Variants in TM9SF2 observed in about 807,000 individuals in gnomAD.
The protein encoded by TM9SF2 is transmembrane 9 superfamily member 2.
Under a neutral mutation model 84.9 loss-of-function variants are expected in TM9SF2, and 13 were observed. The observed-to-expected ratio is 0.15, with a 90% CI of 0.10 to 0.24. The LOEUF is 0.24. Among genes scored for constraint, TM9SF2 ranks in the 10% least tolerant of loss-of-function variants. TM9SF2 has a pLI of 1.00. For synonymous variants in TM9SF2, 273 were observed against 285.8 expected (o/e 0.96, Z 0.45); for missense variants, 562 against 818.5 (o/e 0.69, Z 3.82).
In TM9SF2 at chr13:99,522,468, G is replaced by T. The variant is rs141433825; in HGVS notation, c.333+2339G>T. On this transcript the variant is annotated intron_variant, in intron 3 of 16. Coordinates refer to ENST00000376387, the MANE Select transcript of TM9SF2 (RefSeq NM_004800.3). ...AGTGTATGGACATGGGTGCCATTGA[G>T]CAGGGCAGGCATGTAACTTGCGAAA... Among the ~76,000 whole-genome samples, 9 of 152,352 alleles carry T rather than the reference G, an allele frequency of 5.9e-5. No individual in the cohort carries two copies. The East Asian group carries it at 1.7e-3, about 29-fold the overall frequency.
At chr13:99,519,415 C>G (rs2046149417) in intron 2 of TM9SF2, 1 of 152,286 alleles carries the variant, frequency 6.6e-6, no homozygotes. Context: ...CACAGAACTG[C>G]CCTTTAATTT....
intron 1 of TM9SF2, among the ~76,000 whole-genome samples, chr13:99,507,773 T>A (rs2046094757): frequency 6.6e-6 from 1 of 152,236 alleles, no homozygotes; most frequent in Non-Finnish European, 1.5e-5. Context: ...CTCAAACCCT[T>A]TTGTGACTTG....
intron 3 of TM9SF2, among the ~76,000 whole-genome samples, chr13:99,523,536 T>C (rs1018253604): frequency 6.6e-6 from 1 of 152,244 alleles, no homozygotes; most frequent in Non-Finnish European, 1.5e-5. Context: ...TCTTTTATAT[T>C]TGACTTCTGT....
intron 1 of TM9SF2, among the ~76,000 whole-genome samples, chr13:99,513,554 A>G (rs1266011313): frequency 2.0e-5 from 3 of 152,178 alleles, no homozygotes; most frequent in East Asian, 3.8e-4. Flanking sequence ...AATTTTTCAC[A>G]TGGCCTCAGG....
intron 6 of TM9SF2, among the ~76,000 whole-genome samples, chr13:99,538,745 T>G (rs1355967598): frequency 6.6e-6 from 1 of 151,736 alleles, no homozygotes; most frequent in African/African-American, 2.4e-5. Context: ...AGACCCTGTC[T>G]CTACAGAAAA....
chr13:99,529,352 A>G (rs994227805), intron 3 of TM9SF2, 115 bp from the exon 4 acceptor site: 21 of 881,748 alleles, frequency 2.4e-5, no homozygotes, highest in African/African-American at 1.2e-4. Flanking sequence ...TTTATTACCA[A>G]TATTAATGCA....
chr13:99,560,942 C>G (rs1236689284), intron 16 of TM9SF2, among the ~76,000 whole-genome samples: 1 of 152,024 alleles, frequency 6.6e-6, no homozygotes, highest in Non-Finnish European at 1.5e-5. Flanking sequence ...CTTGGCCTCC[C>G]GAAGTGCTCG....
intron 1 of TM9SF2, among the ~76,000 whole-genome samples, chr13:99,503,542 C>T (rs1483056982): frequency 6.6e-6 from 1 of 151,934 alleles, no homozygotes; most frequent in East Asian, 1.9e-4. Flanking sequence ...AACCGCGTCT[C>T]TACTAAAAAT....
intron 16 of TM9SF2, among the ~76,000 whole-genome samples, chr13:99,560,360 G>C (rs4365162): frequency 0.88 from 133,823 of 152,234 alleles, 58,979 homozygotes; most frequent in Admixed American, 0.93. Flanking sequence ...CTCTGCTGCT[G>C]TCTCAGGCTT....
chr13:99,549,972 A>C (rs544700026), intron 12 of TM9SF2, among the ~76,000 whole-genome samples: 1 of 152,304 alleles, frequency 6.6e-6, no homozygotes, highest in African/African-American at 2.4e-5. Context: ...CATTCTTCTC[A>C]GTTATCGGTT....
chr13:99,520,817 G>A (rs1181590280), intron 3 of TM9SF2, among the ~76,000 whole-genome samples: 12 of 152,104 alleles, frequency 7.9e-5, no homozygotes, highest in Non-Finnish European at 1.8e-4. Context: ...TGATTTGCCC[G>A]CCTCGGCCTC....
At chr13:99,508,612 A>G (rs1027994289) in intron 1 of TM9SF2, among the ~76,000 whole-genome samples, 1 of 152,194 alleles carries the variant, frequency 6.6e-6, no homozygotes, top group Non-Finnish European at 1.5e-5. Context: ...AGGCTGTACA[A>G]GCATGGCACG....
intron 1 of TM9SF2, among the ~76,000 whole-genome samples, chr13:99,509,118 G>A (rs9582313): frequency 0.025 from 3,775 of 152,278 alleles, 163 homozygotes; most frequent in African/African-American, 0.086. Context: ...AAGACACAAA[G>A]GGGCTATAGG....
In TM9SF2 at chr13:99,552,408, G is replaced by A. The variant is rs80305980; in HGVS notation, c.1488+82G>A. The A allele has an allele frequency of 5.5e-3, 7,493 of 1,372,266 alleles. 28 individuals are homozygous for A. The highest frequency in any genetic ancestry group is 7.5e-3 in the Middle Eastern group (40 of 5,342). 85.0% of individuals were successfully genotyped at this position (1,372,266 alleles called of 1,614,324 possible). A position where few individuals can be genotyped will look rare whatever the true frequency, so the allele number is the denominator to read the frequency against. On this transcript the variant is annotated intron_variant, in intron 13 of 16. Transcript: ENST00000376387. ...TGCCATCTCAAAAGATACCATAAAA[G>A]TGTGTAAAGATGTAAACTTGTCCTT...
At chr13:99,543,775 G>T in intron 9 of TM9SF2, 88 bp from the exon 10 acceptor site, 1 of 1,486,714 alleles carries the variant, frequency 6.7e-7, no homozygotes, top group Non-Finnish European at 9.0e-7. Flanking sequence ...CCTGTTTTCT[G>T]TAACAGCATA....
intron 6 of TM9SF2, among the ~76,000 whole-genome samples, 154 bp from the exon 7 acceptor site, chr13:99,539,292 A>C (rs2046248131): frequency 6.6e-6 from 1 of 152,208 alleles, no homozygotes; most frequent in South Asian, 2.1e-4. Flanking sequence ...AATTTTGTAC[A>C]CATATGATGT....
chr13:99,510,573 T>TAC (rs1341021766), intron 1 of TM9SF2, among the ~76,000 whole-genome samples: 1 of 152,056 alleles, frequency 6.6e-6, no homozygotes, highest in African/African-American at 2.4e-5. Flanking sequence ...GTCATATGGT[T>TAC]ACACAGGAGC....
chr13:99,513,116 A>G (rs1201934715), intron 1 of TM9SF2, among the ~76,000 whole-genome samples: 2 of 152,234 alleles, frequency 1.3e-5, no homozygotes, highest in African/African-American at 4.8e-5. Context: ...GTCAGTTTAG[A>G]ACATAGGAAG....
chr13:99,511,146 A>G (rs951768024), intron 1 of TM9SF2, among the ~76,000 whole-genome samples: 2 of 152,002 alleles, frequency 1.3e-5, no homozygotes, highest in African/African-American at 4.8e-5. Context: ...CTCAACTTCA[A>G]AGCCCTTTTT....
Sources: gnomAD v4.1 joint callset for allele counts (sites outside exome capture counted in the v4.1 genomes callset) on GRCh38, gnomAD v4.1.1 for gene constraint, MANE v1.5 for transcripts, NCBI Gene and HGNC (gene_info 2026-07-23, HGNC 2026-07-21) for gene names.